Variants in NTN4 observed in about 807,000 individuals in gnomAD.
The protein encoded by NTN4 is netrin 4, also known as netrin-4.
In NTN4, 32 loss-of-function variants were observed where a neutral mutation model predicts 73.6. That is an observed-to-expected ratio of 0.44 (90% confidence interval 0.33 to 0.58). The LOEUF is 0.58. NTN4 is among the 20% of genes least tolerant of loss of function. NTN4 has a pLI of 0.04. For synonymous variants in NTN4, 258 were observed against 287.5 expected (o/e 0.90, Z 1.04); for missense variants, 654 against 798.3 (o/e 0.82, Z 2.18).
chr12:95,782,515 C>G (rs7972901), intron 2 of NTN4, among the ~76,000 whole-genome samples: 93,240 of 151,780 alleles, frequency 0.61, 29,282 homozygotes, highest in South Asian at 0.78. Flanking sequence ...CCAGGCTGGT[C>G]TTGAACTCCT....
chr12:95,751,083 A>T (rs2078903544), intron 2 of NTN4, among the ~76,000 whole-genome samples: 1 of 152,334 alleles, frequency 6.6e-6, no homozygotes, highest in East Asian at 1.9e-4. Context: ...CCTGGACCCT[A>T]AAAGGTCAAA....
At chr12:95,769,386 G>T (rs1365590232) in intron 2 of NTN4, among the ~76,000 whole-genome samples, 3 of 152,028 alleles carry the variant, frequency 2.0e-5, no homozygotes, top group Non-Finnish European at 4.4e-5. Flanking sequence ...TAAAATAAGT[G>T]GTCTACTGGG....
intron 2 of NTN4, among the ~76,000 whole-genome samples, chr12:95,767,609 T>A (rs1486391743): frequency 1.3e-5 from 2 of 152,162 alleles, no homozygotes; most frequent in Non-Finnish European, 2.9e-5. Context: ...CAGTTGTTTT[T>A]CAGAATCACA....
intron 5 of NTN4, among the ~76,000 whole-genome samples, chr12:95,691,337 A>G (rs973239400): frequency 2.0e-5 from 3 of 152,260 alleles, no homozygotes; most frequent in Non-Finnish European, 4.4e-5. Context: ...TTTTCACAAT[A>G]AATGTCAAAG....
chr12:95,718,999 A>G (rs909390023), intron 3 of NTN4, among the ~76,000 whole-genome samples: 1 of 152,202 alleles, frequency 6.6e-6, no homozygotes, highest in African/African-American at 2.4e-5. Flanking sequence ...TAATGCTTTG[A>G]AGGACTTACA....
chr12:95,758,634 G>A (rs548408408), intron 2 of NTN4, among the ~76,000 whole-genome samples: 8 of 152,072 alleles, frequency 5.3e-5, no homozygotes, highest in South Asian at 2.1e-4. Context: ...GCACGATCAC[G>A]GCTCACTGCA....
At chr12:95,726,979 A>T (rs998687812) in intron 3 of NTN4, among the ~76,000 whole-genome samples, 2 of 152,036 alleles carry the variant, frequency 1.3e-5, no homozygotes, top group African/African-American at 4.8e-5. Flanking sequence ...CAAAAAAAAA[A>T]AATTTTTTTG....
chr12:95,672,791 C>T, intron 7 of NTN4: 1 of 1,317,964 alleles, frequency 7.6e-7, no homozygotes. Flanking sequence ...ATTGCCAGCG[C>T]TCTGCCCTTT....
chr12:95,780,596 A>G (rs1005003292), intron 2 of NTN4, among the ~76,000 whole-genome samples: 3 of 152,242 alleles, frequency 2.0e-5, no homozygotes, highest in Non-Finnish European at 4.4e-5. Context: ...CAAAACCGCA[A>G]TGAGATACCA....
chr12:95,790,225 G>C lies in NTN4; in HGVS notation c.55+30C>G. 1 of 1,526,412 alleles carries C rather than the reference G, an allele frequency of 6.6e-7. No individual in the cohort carries two copies. Among genetic ancestry groups the C allele is most frequent in the Non-Finnish European group, 8.8e-7 (1 of 1,134,950 alleles). 94.6% of individuals were successfully genotyped at this position (1,526,412 alleles called of 1,614,324 possible). A position where few individuals can be genotyped will look rare whatever the true frequency, so the allele number is the denominator to read the frequency against. On this transcript the variant is annotated intron_variant, in intron 1 of 9. Coordinates refer to ENST00000343702, the MANE Select transcript of NTN4 (RefSeq NM_021229.4). The surrounding 1 kb of genome is among the most constrained non-coding windows in gnomAD (Gnocchi z 6.5). ...TGGGTTAGAGAAGCAGCGAGGGAAG[G>C]GGTGGGGGCCCCGCCGCGTCACCAC...
At chr12:95,703,767 T>C (rs1223897792) in intron 5 of NTN4, among the ~76,000 whole-genome samples, 1 of 152,168 alleles carries the variant, frequency 6.6e-6, no homozygotes, top group East Asian at 1.9e-4. Flanking sequence ...ACATAATTTA[T>C]TCTAAAATAT....
chr12:95,707,102 AAC>A (rs1010298294), intron 5 of NTN4, among the ~76,000 whole-genome samples: 3 of 152,248 alleles, frequency 2.0e-5, no homozygotes, highest in African/African-American at 7.2e-5. Context: ...GCCTTTGTGT[AAC>A]ACAAGAACAG....
intron 7 of NTN4, among the ~76,000 whole-genome samples, chr12:95,675,563 T>C (rs1454187894): frequency 6.6e-6 from 1 of 152,056 alleles, no homozygotes; most frequent in East Asian, 1.9e-4. Context: ...TCCAAGCACA[T>C]AGCAATATTA....
rs1028396763 is a variant in NTN4 at position 95,750,573 on chromosome 12, T to C, written c.586-12429A>G. ...TAATTCTTGTCGTAAAATAGGCAAA[T>C]GGTCTGAGGTGCCTGACGTCCAGGC... On this transcript the variant is annotated intron_variant, in intron 2 of 9. Transcript: ENST00000343702. Among the ~76,000 whole-genome samples the C allele has an allele frequency of 6.6e-5, 10 of 152,278 alleles. No individual in the cohort carries two copies. The South Asian group carries it at 8.3e-4, about 13-fold the overall frequency.
At chr12:95,675,181 T>C (rs1366932782) in intron 7 of NTN4, among the ~76,000 whole-genome samples, 1 of 152,232 alleles carries the variant, frequency 6.6e-6, no homozygotes, top group Non-Finnish European at 1.5e-5. Flanking sequence ...GATAACTTCA[T>C]GTTGCCTTCT....
intron 4 of NTN4, among the ~76,000 whole-genome samples, chr12:95,711,226 T>A (rs1025371459): frequency 2.6e-5 from 4 of 152,114 alleles, no homozygotes; most frequent in Admixed American, 2.0e-4. Context: ...TTAAAAAAAA[T>A]AAGTTTCAGG....
rs1174300161 is a variant in NTN4, at chr12:95,729,626, A to AGTGT, written c.864+8239_864+8240insACAC. On this transcript the variant is annotated intron_variant, in intron 3 of 9. Transcript: ENST00000343702. Reference sequence around the variant, plus strand: ...GGAATTATTATAAAGAGAGAGAGAGAGAGAGAGTGTGTGTGTGTGTGTGTG... The same window carrying AGTGT: ...GGAATTATTATAAAGAGAGAGAGAGAGTGTGAGAGAGTGTGTGTGTGTGTGTGTG... Among the ~76,000 whole-genome samples the AGTGT allele has an allele frequency of 1.5e-3, 179 of 122,568 alleles. 1 individual carries two copies. The highest frequency in any genetic ancestry group is 2.2e-3 in the Admixed American group (28 of 12,602). The allele number at this position is 122,568 out of a possible 152,430, so 80.4% of individuals were successfully genotyped here.
At chr12:95,776,363 G>A (rs190682097) in intron 2 of NTN4, among the ~76,000 whole-genome samples, 3 of 152,282 alleles carry the variant, frequency 2.0e-5, no homozygotes, top group Admixed American at 6.5e-5. Context: ...AAACTTCTCC[G>A]AGCTAAAGGA....
chr12:95,723,800 C>G (rs1327229876), intron 3 of NTN4, among the ~76,000 whole-genome samples: 1 of 152,262 alleles, frequency 6.6e-6, no homozygotes, highest in Admixed American at 6.5e-5. Context: ...GCATGAGCCA[C>G]TGTGCCTGGC....
Sources: allele counts gnomAD v4.1 joint callset (sites outside exome capture counted in the v4.1 genomes callset), GRCh38; gene constraint gnomAD v4.1.1; non-coding constraint Gnocchi (gnomAD v3.1); transcripts MANE v1.5; gene names NCBI Gene and HGNC (gene_info 2026-07-23, HGNC 2026-07-21).